Variants in RNF130 observed in about 807,000 individuals in gnomAD.
RNF130 encodes E3 ubiquitin-protein ligase RNF130.
Under a neutral mutation model 44.6 loss-of-function variants are expected in RNF130, and 21 were observed. That is an observed-to-expected ratio of 0.47 (90% confidence interval 0.33 to 0.68). The LOEUF (loss-of-function observed/expected upper bound fraction) is 0.68, where lower values mean the gene tolerates loss of function less well. Among genes scored for constraint, RNF130 ranks in the 30% least tolerant of loss-of-function variants. The pLI, the probability that RNF130 is intolerant of heterozygous loss-of-function variation, is 0.02. For missense variants in RNF130, 479 were observed against 560.6 expected (o/e 0.85, Z 1.47); for synonymous variants, 214 against 210.4 (o/e 1.02, Z -0.15).
chr5:180,018,294 C>CAAAA (rs59354197), intron 2 of RNF130, among the ~76,000 whole-genome samples: 3 of 127,084 alleles, frequency 2.4e-5, no homozygotes, highest in African/African-American at 5.9e-5. Flanking sequence ...GACTCCATCT[C>CAAAA]AAAAAAAAAA....
intron 1 of RNF130, among the ~76,000 whole-genome samples, chr5:180,046,930 G>T (rs1003158981): frequency 2.6e-5 from 4 of 152,128 alleles, no homozygotes; most frequent in African/African-American, 9.7e-5. Flanking sequence ...TGTTTAACAT[G>T]ATTGATGAAG....
Position 179,977,588 on chromosome 5 carries a change from C to T in RNF130, c.848+615G>A, listed in dbSNP as rs1336758652. Among the ~76,000 whole-genome samples, 1 of 152,204 alleles carries T rather than the reference C, an allele frequency of 6.6e-6. No individual in the cohort carries two copies. The highest frequency in any genetic ancestry group is 1.5e-5 in the Non-Finnish European group (1 of 68,040). ...AGAAAACAGGCCGGGTGCGGTGGCT[C>T]ACGCCTGTAATCCCAGGACTTTGGG... On this transcript the variant is annotated intron_variant, in intron 5 of 8. Transcript: ENST00000521389. This position sits in a 1 kb window ranked among gnomAD's most constrained non-coding sequence, Gnocchi z 4.1.
chr5:179,955,698 TA>T, intron 8 of RNF130, 29 bp from the exon 9 acceptor site: 1 of 1,542,418 alleles, frequency 6.5e-7, no homozygotes, highest in Non-Finnish European at 8.8e-7. Flanking sequence ...AAAGAGGTCA[TA>T]AATTAAAGAG....
intron 2 of RNF130, among the ~76,000 whole-genome samples, chr5:180,037,035 T>C (rs1489934210): frequency 6.6e-6 from 1 of 152,230 alleles, no homozygotes; most frequent in Admixed American, 6.5e-5. Context: ...ATTCAAATGA[T>C]ATCCAACTAT....
chr5:179,972,974 A>T (rs887664641), intron 5 of RNF130, among the ~76,000 whole-genome samples: 1 of 152,148 alleles, frequency 6.6e-6, no homozygotes, highest in Admixed American at 6.5e-5. Flanking sequence ...TATGAAGAAA[A>T]ACAAAAAAGA....
At chr5:179,944,904 C>A (rs1051741522) in intron 7 of RNF130, among the ~76,000 whole-genome samples, 1 of 152,144 alleles carries the variant, frequency 6.6e-6, no homozygotes, top group African/African-American at 2.4e-5. Flanking sequence ...CCAGATAAGG[C>A]ACATATATTT....
chr5:179,920,212 C>T, exon 8 of RNF130: 2 of 616,742 alleles, frequency 3.2e-6, no homozygotes, highest in Admixed American at 4.9e-5. Flanking sequence ...GAAAGTGCTG[C>T]CATTCTTCCA....
At chr5:180,034,609 A>G (rs1232815036) in intron 2 of RNF130, among the ~76,000 whole-genome samples, 1 of 151,904 alleles carries the variant, frequency 6.6e-6, no homozygotes, top group Non-Finnish European at 1.5e-5. Flanking sequence ...AAGGTGTCTA[A>G]TTTGTCAGTA....
intron 4 of RNF130, among the ~76,000 whole-genome samples, chr5:179,978,837 G>A (rs997281556): frequency 2.0e-5 from 3 of 152,230 alleles, no homozygotes; most frequent in African/African-American, 7.2e-5. Flanking sequence ...TCTTCATTAA[G>A]AGTGAGAAAG....
At chr5:179,953,535 C>T (rs1371343630), downstream of RNF130, among the ~76,000 whole-genome samples, 1 of 152,138 alleles carries the variant, frequency 6.6e-6, no homozygotes, top group Non-Finnish European at 1.5e-5. Context: ...GGAAAAAAGT[C>T]TCTTAAACAA....
intron 5 of RNF130, among the ~76,000 whole-genome samples, chr5:179,973,636 G>A (rs147877873): frequency 5.6e-4 from 86 of 152,268 alleles, no homozygotes; most frequent in Non-Finnish European, 8.8e-4. Flanking sequence ...GCCTGACCGC[G>A]CTCACCCTCA....
intron 7 of RNF130, among the ~76,000 whole-genome samples, chr5:179,930,089 C>A (rs905920561): frequency 6.6e-6 from 1 of 151,974 alleles, no homozygotes; most frequent in African/African-American, 2.4e-5. Context: ...TGGAGTCTTA[C>A]TCTTGTCGCC....
chr5:179,931,292 C>G (rs1214593636), intron 7 of RNF130, among the ~76,000 whole-genome samples: 1 of 152,120 alleles, frequency 6.6e-6, no homozygotes, highest in Non-Finnish European at 1.5e-5. Flanking sequence ...TTTTGTTTAC[C>G]TATTGTATCA....
chr5:180,034,239 T>C (rs937229089), intron 2 of RNF130, among the ~76,000 whole-genome samples: 3 of 152,044 alleles, frequency 2.0e-5, no homozygotes, highest in Non-Finnish European at 4.4e-5. Flanking sequence ...CCTGGGGTAA[T>C]GAATCTAATC....
In RNF130 at chr5:179,980,595, G is replaced by A. The variant is rs1762811299; in HGVS notation, c.694-395C>T. 2.7e-5 allele frequency: 5 copies of A among 183,860 alleles called. No individual in the cohort carries two copies. The South Asian group carries it at 5.1e-4, about 19-fold the overall frequency. 11.4% of individuals were successfully genotyped at this position (183,860 alleles called of 1,614,324 possible). ...GGCTTTTGGATTCTGCTCAACGAAT[G>A]ATCACCATTAGGTGTGTAAATGCCG... On this transcript the variant is annotated intron_variant, in intron 3 of 8. Coordinates refer to ENST00000521389, the MANE Select transcript of RNF130 (RefSeq NM_018434.6).
At chr5:180,016,053 C>T (rs1172122688) in intron 2 of RNF130, among the ~76,000 whole-genome samples, 1 of 152,164 alleles carries the variant, frequency 6.6e-6, no homozygotes, top group African/African-American at 2.4e-5. Context: ...AAGCCGCTCG[C>T]GGTGGCGTCA....
At chr5:179,990,557 G>A (rs907758022) in intron 3 of RNF130, among the ~76,000 whole-genome samples, 4 of 152,196 alleles carry the variant, frequency 2.6e-5, no homozygotes, top group Admixed American at 6.5e-5. Flanking sequence ...AGAGGTGGTG[G>A]AGCAGAGTCT....
intron 8 of RNF130, among the ~76,000 whole-genome samples, chr5:179,961,973 C>G (rs1233909743): frequency 6.6e-6 from 1 of 152,212 alleles, no homozygotes; most frequent in African/African-American, 2.4e-5. Flanking sequence ...CATAACAACC[C>G]TGCGATATGG....
At chr5:179,974,339 C>T (rs1378015204) in intron 5 of RNF130, among the ~76,000 whole-genome samples, 3 of 152,196 alleles carry the variant, frequency 2.0e-5, no homozygotes, top group East Asian at 1.9e-4. Context: ...CTCCGATGGC[C>T]GACCTTTAAG....
Sources: allele counts gnomAD v4.1 joint callset (sites outside exome capture counted in the v4.1 genomes callset), GRCh38; gene constraint gnomAD v4.1.1; non-coding constraint Gnocchi (gnomAD v3.1); transcripts MANE v1.5; gene names NCBI Gene and HGNC (gene_info 2026-07-23, HGNC 2026-07-21).